The following NRF1 variants were observed in gnomAD, a reference collection of about 807,000 sequenced individuals.
The protein encoded by NRF1 is nuclear respiratory factor 1.
Under a neutral mutation model 58.5 loss-of-function variants are expected in NRF1, and 5 were observed. That is an observed-to-expected ratio of 0.09 (90% CI 0.04 to 0.18). NRF1 has a LOEUF of 0.18. NRF1 is among the 10% of genes least tolerant of loss of function. NRF1 has a pLI of 1.00. For missense variants in NRF1, 288 were observed against 657.7 expected (o/e 0.44, Z 6.15); for synonymous variants, 224 against 246.7 (o/e 0.91, Z 0.86).
At chr7:129,737,440 T>C (rs1427576565) in intron 10 of NRF1, among the ~76,000 whole-genome samples, 2 of 152,222 alleles carry the variant, frequency 1.3e-5, no homozygotes. Context: ...AAGGTAGCTT[T>C]TGCCATTTTT....
Position 129,749,017 on chromosome 7 carries a change from C to T in NRF1, c.1349-6001C>T, listed in dbSNP as rs1804049319. Among the ~76,000 whole-genome samples the T allele has an allele frequency of 2.6e-5, 4 of 152,214 alleles. No homozygotes were observed. In the South Asian group the frequency reaches 8.3e-4, roughly 32 times the overall value. On this transcript the variant is annotated intron_variant, in intron 10 of 10. Transcript: ENST00000393232. ...GCCCGTGGTCTACCACAGTGCTCCC[C>T]TGGTGCCACCATCAGAGACAGACCA...
chr7:129,719,717 G>A (rs749352423), intron 9 of NRF1, among the ~76,000 whole-genome samples: 7 of 151,840 alleles, frequency 4.6e-5, no homozygotes, highest in Non-Finnish European at 7.4e-5. Flanking sequence ...CTTACACTTG[G>A]CTCAATTCTA....
At position 129,712,807 on chromosome 7, in the gene NRF1, T is replaced by C. The variant is rs140063938; in HGVS notation, c.1065+1231T>C. On this transcript the variant is annotated intron_variant, in intron 8 of 10. Transcript: ENST00000393232. ...GAAGGTTGACAGGACACTTACTTTC[T>C]AAGTATATAAACATCATTAAAGGAT... Among the ~76,000 whole-genome samples, 33 of 152,320 alleles carry C rather than the reference T, an allele frequency of 2.2e-4. No individual in the cohort carries two copies. The East Asian group carries it at 5.8e-3, about 27-fold the overall frequency.
At chr7:129,667,706 A>G (rs1486857023) in intron 2 of NRF1, among the ~76,000 whole-genome samples, 2 of 151,280 alleles carry the variant, frequency 1.3e-5, no homozygotes, top group Non-Finnish European at 2.9e-5. Context: ...AGTTTATTGT[A>G]GAAGTTATAA....
intron 5 of NRF1, among the ~76,000 whole-genome samples, chr7:129,705,413 C>G (rs151035032): frequency 6.6e-6 from 1 of 152,144 alleles, no homozygotes; most frequent in Non-Finnish European, 1.5e-5. Flanking sequence ...GCCTCAGCCT[C>G]CTGAGTAGCT....
chr7:129,702,919 A>C (rs1802863939), intron 5 of NRF1, among the ~76,000 whole-genome samples: 1 of 152,222 alleles, frequency 6.6e-6, no homozygotes, highest in South Asian at 2.1e-4. Context: ...AATGCAGAGC[A>C]AAGATAGAGG....
At chr7:129,631,227 T>C (rs961321910) in intron 1 of NRF1, among the ~76,000 whole-genome samples, 1 of 95,862 alleles carries the variant, frequency 1.0e-5, no homozygotes, top group African/African-American at 3.4e-5. Flanking sequence ...TTCTAAGGAA[T>C]TTGATTTAAT....
chr7:129,645,270 G>A (rs559062085), intron 1 of NRF1, among the ~76,000 whole-genome samples: 74 of 152,246 alleles, frequency 4.9e-4, no homozygotes, highest in African/African-American at 1.6e-3. Context: ...GACAGAAAAA[G>A]TCAAATGAAA....
intron 1 of NRF1, among the ~76,000 whole-genome samples, chr7:129,652,803 A>G (rs1051557613): frequency 2.0e-5 from 3 of 152,190 alleles, no homozygotes; most frequent in Non-Finnish European, 4.4e-5. Flanking sequence ...CATGTTAGCC[A>G]GGATGGTCTC....
intron 9 of NRF1, among the ~76,000 whole-genome samples, chr7:129,721,018 C>T (rs1387486434): frequency 6.6e-6 from 1 of 151,392 alleles, no homozygotes; most frequent in African/African-American, 2.4e-5. Context: ...ATATATAATA[C>T]CATATATATG....
intron 5 of NRF1, among the ~76,000 whole-genome samples, chr7:129,700,291 A>G (rs1397353766): frequency 1.3e-5 from 2 of 152,214 alleles, no homozygotes; most frequent in Non-Finnish European, 2.9e-5. Context: ...GGGCTGGATA[A>G]AAAGTATTTT....
chr7:129,666,442 G>A (rs552860096), intron 2 of NRF1, among the ~76,000 whole-genome samples: 11 of 152,158 alleles, frequency 7.2e-5, no homozygotes, highest in Admixed American at 2.6e-4. Context: ...TGTTTATCTC[G>A]TTCAACATTT....
rs1271031739 is a variant in NRF1 at position 129,755,682 on chromosome 7, C to T, written c.*501C>T. 6.6e-6 allele frequency: 1 copy of T among 152,554 alleles called. No individual in the cohort carries two copies. The highest frequency in any genetic ancestry group is 2.4e-5 in the African/African-American group (1 of 41,422). The allele number at this position is 152,554 out of a possible 1,614,324, so 9.5% of individuals were successfully genotyped here. ...CAGACACAGTCACCCAGTTTTTGTT[C>T]ATACCAGGGTCATGCGTTGAGCTAC... is the stretch of plus-strand genomic sequence containing the variant. On this transcript the variant is annotated 3_prime_UTR_variant, in exon 11 of 11. Transcript: ENST00000393232. This position sits in a 1 kb window ranked among gnomAD's most constrained non-coding sequence, Gnocchi z 5.8.
intron 1 of NRF1, among the ~76,000 whole-genome samples, chr7:129,653,232 C>A (rs1378297373): frequency 6.6e-6 from 1 of 152,150 alleles, no homozygotes; most frequent in East Asian, 1.9e-4. Context: ...AAGGTTGATC[C>A]ATGTTGTAGC....
chr7:129,686,170 C>T lies in NRF1; in HGVS notation c.466-4236C>T, dbSNP rs552144051. Among the ~76,000 whole-genome samples, 12 of 150,008 alleles carry T rather than the reference C, an allele frequency of 8.0e-5. No homozygotes were observed. The East Asian group carries it at 2.3e-3, about 29-fold the overall frequency. The stretch of plus-strand genomic sequence containing the variant: ...AGAACTTGCTAGATGCCAAGGTGAG[C>T]GACGAGGTTGGGCAGCTAAAGAAGG... On this transcript the variant is annotated intron_variant, in intron 4 of 10. Transcript: ENST00000393232.
intron 1 of NRF1, among the ~76,000 whole-genome samples, chr7:129,616,970 A>G (rs982631469): frequency 1.2e-4 from 18 of 152,200 alleles, no homozygotes; most frequent in African/African-American, 4.3e-4. Flanking sequence ...AAAAGTTGTA[A>G]GAGCTACTTT....
At chr7:129,747,211 G>A (rs1803996330) in intron 10 of NRF1, among the ~76,000 whole-genome samples, 1 of 152,168 alleles carries the variant, frequency 6.6e-6, no homozygotes, top group Admixed American at 6.5e-5. Flanking sequence ...ATTGAGGAGT[G>A]GTTCTGCCTG....
At chr7:129,726,053 T>TA (rs1272703278) in intron 9 of NRF1, among the ~76,000 whole-genome samples, 3 of 152,202 alleles carry the variant, frequency 2.0e-5, no homozygotes, top group African/African-American at 7.2e-5. Context: ...CACCTCCACT[T>TA]ACGGCTTGTG....
intron 1 of NRF1, among the ~76,000 whole-genome samples, chr7:129,621,594 G>C (rs1381917949): frequency 6.6e-6 from 1 of 152,074 alleles, no homozygotes; most frequent in East Asian, 1.9e-4. Flanking sequence ...GATTTGCTAA[G>C]TAAGAACACA....
Sources: allele counts gnomAD v4.1 joint callset (sites outside exome capture counted in the v4.1 genomes callset), GRCh38; gene constraint gnomAD v4.1.1; non-coding constraint Gnocchi (gnomAD v3.1); transcripts MANE v1.5; gene names NCBI Gene and HGNC (gene_info 2026-07-23, HGNC 2026-07-21).